Variants in MAP3K21 observed in about 807,000 individuals in gnomAD.
MAP3K21 encodes the protein mitogen-activated protein kinase kinase kinase 21.
MAP3K21 carries 63 observed loss-of-function variants against 86.1 expected under a neutral mutation model. The ratio of observed to expected loss-of-function variants is 0.73; its 90% CI spans 0.60 to 0.90. The LOEUF (loss-of-function observed/expected upper bound fraction) is 0.90. MAP3K21 is among the 40% of genes least tolerant of loss of function. The pLI, the probability that MAP3K21 is intolerant of heterozygous loss-of-function variation, is 0.00. For missense variants in MAP3K21, 1,220 were observed against 1,367.7 expected (o/e 0.89, Z 1.70); for synonymous variants, 558 against 564.8 (o/e 0.99, Z 0.17).
chr1:233,359,979 A>G (rs1294327077), intron 4 of MAP3K21, among the ~76,000 whole-genome samples: 1 of 152,180 alleles, frequency 6.6e-6, no homozygotes, highest in Non-Finnish European at 1.5e-5. Flanking sequence ...TATTATTCAC[A>G]AATTTGTTCA....
In MAP3K21 at chr1:233,328,383, G is replaced by C. The variant is rs1330353734; in HGVS notation, c.355G>C (p.Val119Leu). Reference protein sequence around the residue: ...PPSRPSSPVHVAFERLELKEL... With the variant: ...PPSRPSSPVHLAFERLELKEL... ...CTCGCGGCCCAGCTCCCCGGTACAC[G>C]TCGCCTTCGAGCGGCTGGAGCTGAA... The change falls in exon 1 of 10, where the codon GTC becomes CTC. Residue 119 changes from valine (V) to leucine (L), a missense_variant. Val to Leu is a conservative substitution (Grantham distance 32). This residue lies in a region of MAP3K21 where 369 missense variants were observed against 385.3 expected (regional missense o/e 0.96). Coordinates refer to ENST00000366624, the MANE Select transcript of MAP3K21 (RefSeq NM_032435.3). The surrounding 1 kb of genome is among the most constrained non-coding windows in gnomAD (Gnocchi z 8.7). The C allele has an allele frequency of 6.7e-7, 1 of 1,485,382 alleles. No individual in the cohort carries two copies. The highest frequency in any genetic ancestry group is 8.9e-7 in the Non-Finnish European group (1 of 1,125,528). 92.0% of individuals were successfully genotyped at this position (1,485,382 alleles called of 1,614,324 possible).
chr1:233,379,339 C>T lies in MAP3K21; in HGVS notation c.2333C>T (p.Thr778Ile), dbSNP rs771665013. 2 of 1,614,234 alleles carry T rather than the reference C, an allele frequency of 1.2e-6. No homozygotes were observed. The highest frequency in any genetic ancestry group is 4.5e-5 in the East Asian group (2 of 44,890). The change falls in exon 9 of 10, where the codon ACA becomes ATA. Residue 778 changes from threonine to isoleucine, a missense_variant. Transcript: ENST00000366624. ...SKSRRSASPPTSLPSTCGEAS... is the reference protein window; with the variant it reads ...SKSRRSASPPISLPSTCGEAS... Reference sequence around the variant, plus strand: ...TCCCGCAGAAGCGCCAGTCCTCCCACAAGCCTGCCATCCACCTGTGGGGAG... The same window carrying T: ...TCCCGCAGAAGCGCCAGTCCTCCCATAAGCCTGCCATCCACCTGTGGGGAG...
In MAP3K21 at chr1:233,330,444, A is replaced by T. The variant is rs560856098; in HGVS notation, c.805+1611A>T. Among the ~76,000 whole-genome samples the T allele has an allele frequency of 1.2e-3, 190 of 152,220 alleles. No individual in the cohort carries two copies. The Middle Eastern group carries it at 0.017, about 14-fold the overall frequency. The stretch of plus-strand genomic sequence containing the variant: ...ACTTTTCTTTCGATAATATATATAT[A>T]TTTTTTTCAATAAAAGAAACGTCTG... On this transcript the variant is annotated intron_variant, in intron 1 of 9. Coordinates refer to ENST00000366624, the MANE Select transcript of MAP3K21 (RefSeq NM_032435.3).
chr1:233,357,451 C>T (rs1037844106), intron 4 of MAP3K21, among the ~76,000 whole-genome samples: 4 of 151,810 alleles, frequency 2.6e-5, no homozygotes, highest in Non-Finnish European at 5.9e-5. Context: ...ATAAAGTAGA[C>T]ATACAGGTAA....
At chr1:233,339,115 G>A (rs1662968099) in intron 1 of MAP3K21, among the ~76,000 whole-genome samples, 1 of 152,162 alleles carries the variant, frequency 6.6e-6, no homozygotes, top group Non-Finnish European at 1.5e-5. Flanking sequence ...TTTCAGGGAA[G>A]AATGATCAAC....
intron 1 of MAP3K21, among the ~76,000 whole-genome samples, chr1:233,330,937 T>C (rs1315422688): frequency 6.6e-6 from 1 of 152,090 alleles, no homozygotes; most frequent in Non-Finnish European, 1.5e-5. Flanking sequence ...AATAGTAAAT[T>C]TTTATAAAGT....
intron 1 of MAP3K21, among the ~76,000 whole-genome samples, chr1:233,340,566 T>A (rs1663022961): frequency 6.9e-6 from 1 of 144,494 alleles, no homozygotes; most frequent in South Asian, 2.2e-4. Flanking sequence ...GGATAGTGAG[T>A]GGGGTATGTG....
intron 5 of MAP3K21, among the ~76,000 whole-genome samples, chr1:233,370,779 G>A (rs566571994): frequency 6.6e-4 from 101 of 152,268 alleles, no homozygotes; most frequent in Non-Finnish European, 1.3e-3. Context: ...TAGATTGCTG[G>A]GTTAAACGCA....
In MAP3K21 at chr1:233,362,090, C is replaced by T. The variant is rs769173504; in HGVS notation, c.1349C>T (p.Ala450Val). 3 of 1,609,868 alleles carry T rather than the reference C, an allele frequency of 1.9e-6. No homozygotes were observed. The highest frequency in any genetic ancestry group is 1.3e-5 in the African/African-American group (1 of 74,964). ...RSREEELTRA[A>V]LQQKSQEELL... ...CGGGAAGAGGAGCTGACTCGGGCGGCTCTGCAGCAGAAGTCTCAGGAGGAG... is the reference window on the plus strand; with the variant it reads ...CGGGAAGAGGAGCTGACTCGGGCGGTTCTGCAGCAGAAGTCTCAGGAGGAG... The change falls in exon 5 of 10, where the codon GCT becomes GTT. Residue 450 changes from alanine to valine, a missense_variant. Physicochemically the swap from Ala to Val is moderately conservative, Grantham distance 64. This residue lies in a region of MAP3K21 where 126 missense variants were observed against 127.7 expected (regional missense o/e 0.99). Coordinates refer to ENST00000366624, the MANE Select transcript of MAP3K21 (RefSeq NM_032435.3).
rs963981 is a variant in MAP3K21, at chr1:233,379,356, T to G, written c.2350T>G (p.Cys784Gly). The G allele has an allele frequency of 0.2, 324,779 of 1,613,870 alleles. 34,936 individuals carry two copies. Among genetic ancestry groups the G allele is most frequent in the Admixed American group, 0.34 (20,427 of 60,008 alleles). The change falls in exon 9 of 10, where the codon TGT becomes GGT. Residue 784 changes from cysteine (C) to glycine (G), a missense_variant. Physicochemically the swap from Cys to Gly is radical, Grantham distance 159. Around this residue, in one of 5 missense-constraint regions of MAP3K21, gnomAD observed 632 missense variants for 691.3 expected, o/e 0.91. Transcript: ENST00000366624. ...TCCTCCCACAAGCCTGCCATCCACC[T>G]GTGGGGAGGCCAGCAGCCCACCCTC... ...ASPPTSLPST[C>G]GEASSPPSLP...
At chr1:233,348,226 G>A (rs1663186357) in intron 2 of MAP3K21, among the ~76,000 whole-genome samples, 1 of 152,116 alleles carries the variant, frequency 6.6e-6, no homozygotes, top group Non-Finnish European at 1.5e-5. Flanking sequence ...AACATTTTAT[G>A]TCAGTGGAAT....
Position 233,374,774 on chromosome 1 carries a change from AAATAT to A in MAP3K21, c.1676-1134_1676-1130del, listed in dbSNP as rs1479498286. ...AAATGTATTTATTATATGTAATATT[AAATAT>A]AATATAAACATTATGTATCATCTGT... is the stretch of plus-strand genomic sequence containing the variant. On this transcript the variant is annotated intron_variant, in intron 6 of 9. Coordinates refer to ENST00000366624, the MANE Select transcript of MAP3K21 (RefSeq NM_032435.3). 4.6e-5 allele frequency among the ~76,000 whole-genome samples: 7 copies of A among 151,868 alleles called. 1 individual carries two copies. The highest frequency in any genetic ancestry group is 3.9e-4 in the Admixed American group (6 of 15,206).
At chr1:233,358,527 G>A (rs1663408840) in intron 4 of MAP3K21, among the ~76,000 whole-genome samples, 1 of 148,098 alleles carries the variant, frequency 6.8e-6, no homozygotes, top group Admixed American at 6.8e-5. Context: ...CTAAAATTAG[G>A]TGTTTAATTA....
Position 233,353,873 on chromosome 1 carries a change from C to T in MAP3K21, c.1053C>T (p.Ala351=), listed in dbSNP as rs774263434. Residue 351 remains alanine (A), a synonymous_variant, in exon 3 of 10, where the codon GCC becomes GCT. Coordinates refer to ENST00000366624, the MANE Select transcript of MAP3K21 (RefSeq NM_032435.3). ...CCTATCGGGGCATTGATGGCCTCGCCGTGGCTTATGGGGTAGCAGTCAATA... is the reference window on the plus strand; with the variant it reads ...CCTATCGGGGCATTGATGGCCTCGCTGTGGCTTATGGGGTAGCAGTCAATA... ...EVPYRGIDGL[A]VAYGVAVNKL... is the part of the protein sequence containing the mutation. 6.2e-6 allele frequency: 10 copies of T among 1,613,214 alleles called. No homozygotes were observed. The East Asian group carries it at 1.1e-4, about 18-fold the overall frequency.
At chr1:233,334,290 A>T (rs1662873224) in intron 1 of MAP3K21, among the ~76,000 whole-genome samples, 1 of 151,672 alleles carries the variant, frequency 6.6e-6, no homozygotes, top group African/African-American at 2.4e-5. Flanking sequence ...CATGTAAGAG[A>T]CACCACCTCT....
intron 5 of MAP3K21, among the ~76,000 whole-genome samples, chr1:233,368,629 C>T (rs1220175515): frequency 1.3e-5 from 2 of 151,620 alleles, no homozygotes; most frequent in Admixed American, 1.3e-4. Flanking sequence ...GCACTCCAGC[C>T]TGGATAACAG....
In MAP3K21 at chr1:233,382,985, T is replaced by C. The variant is rs1663948529; in HGVS notation, c.*274T>C. On this transcript the variant is annotated 3_prime_UTR_variant, in exon 10 of 10. Coordinates refer to ENST00000366624, the MANE Select transcript of MAP3K21 (RefSeq NM_032435.3). Reference sequence around the variant, plus strand: ...GAAAACTATGCTGGGTCGAATTACCTTCAGCACAATGTTAATGTTTTTGTT... The same window carrying C: ...GAAAACTATGCTGGGTCGAATTACCCTCAGCACAATGTTAATGTTTTTGTT... 4 of 293,264 alleles carry C rather than the reference T, an allele frequency of 1.4e-5. No homozygotes were observed. The highest frequency in any genetic ancestry group is 2.6e-5 in the Non-Finnish European group (4 of 155,212). The allele number at this position is 293,264 out of a possible 1,614,324, so 18.2% of individuals were successfully genotyped here. A position where few individuals can be genotyped will look rare whatever the true frequency, so the allele number is the denominator to read the frequency against.
intron 1 of MAP3K21, among the ~76,000 whole-genome samples, chr1:233,342,013 G>T (rs1231091853): frequency 6.6e-6 from 1 of 151,802 alleles, no homozygotes; most frequent in Non-Finnish European, 1.5e-5. Context: ...CCTGTATTTT[G>T]TTGTTGTTGT....
chr1:233,364,615 T>C (rs1473405762), intron 5 of MAP3K21, among the ~76,000 whole-genome samples: 1 of 152,248 alleles, frequency 6.6e-6, no homozygotes, highest in Non-Finnish European at 1.5e-5. Context: ...AAATGTTCCT[T>C]GGCTAATACC....
Sources: allele counts gnomAD v4.1 joint callset (sites outside exome capture counted in the v4.1 genomes callset), GRCh38; gene constraint gnomAD v4.1.1; regional missense constraint gnomAD v4.1.1; non-coding constraint Gnocchi (gnomAD v3.1); transcripts MANE v1.5; gene names NCBI Gene and HGNC (gene_info 2026-07-23, HGNC 2026-07-21).